The following SERGEF variants were observed in gnomAD, a reference collection of about 807,000 sequenced individuals.
SERGEF encodes secretion-regulating guanine nucleotide exchange factor.
In SERGEF, 51 loss-of-function variants were observed where a neutral mutation model predicts 50.0. That is an observed-to-expected ratio of 1.02 (90% confidence interval 0.81 to 1.29). The LOEUF (loss-of-function observed/expected upper bound fraction) is 1.29, where lower values mean the gene tolerates loss of function less well. Among genes scored for constraint, SERGEF ranks in the 50% most tolerant of loss-of-function variants. The pLI is 0.00. For missense variants in SERGEF, 521 were observed against 557.0 expected, an observed-to-expected ratio of 0.94 and a Z score of 0.65; for synonymous variants, 205 against 212.4, an observed-to-expected ratio of 0.97 and a Z score of 0.30.
chr11:17,992,970 A>T lies in SERGEF; in HGVS notation c.646T>A (p.Cys216Ser), dbSNP rs1227971441. 5 of 1,614,026 alleles carry T rather than the reference A, an allele frequency of 3.1e-6. No individual in the cohort carries two copies. The African/African-American group carries it at 5.3e-5, about 17-fold the overall frequency. ...VTGLENSKAM[C>S]VLAGSDHSAS... is the part of the protein sequence containing the mutation. ...GAGTGGTCTGAGCCAGCAAGAACAC[A>T]CATTGCTTTAGAATTCTCTAGACCT... The change falls in exon 7 of 11, where the codon TGT becomes AGT. Residue 216 changes from cysteine (C) to serine (S), a missense_variant. By Grantham distance (112) the Cys-to-Ser change is moderately radical (BLOSUM62 -1). Coordinates refer to ENST00000265965, the MANE Select transcript of SERGEF (RefSeq NM_012139.4).
chr11:17,988,492 T>C (rs1331295355), intron 8 of SERGEF, 105 bp downstream of exon 8: 1 of 1,091,768 alleles, frequency 9.2e-7, no homozygotes, highest in Non-Finnish European at 1.3e-6. Context: ...CTCTGATCTT[T>C]AAGCTTTCAT....
chr11:17,979,433 C>A (rs1190339570), intron 8 of SERGEF, among the ~76,000 whole-genome samples: 1 of 152,142 alleles, frequency 6.6e-6, no homozygotes, highest in Non-Finnish European at 1.5e-5. Flanking sequence ...CAAGCCACCA[C>A]CACAGCCTGG....
intron 9 of SERGEF, among the ~76,000 whole-genome samples, chr11:17,956,611 T>C (rs1281616866): frequency 6.6e-6 from 1 of 152,230 alleles, no homozygotes; most frequent in Non-Finnish European, 1.5e-5. Flanking sequence ...TCTAGCTCTG[T>C]CTACCTGTGT....
intron 9 of SERGEF, among the ~76,000 whole-genome samples, chr11:17,904,881 T>C (rs1412196937): frequency 6.6e-6 from 1 of 152,220 alleles, no homozygotes; most frequent in Non-Finnish European, 1.5e-5. Context: ...CCCTGGGTCA[T>C]CAAAGCCTAA....
chr11:17,837,824 C>T (rs1021359238), intron 10 of SERGEF, among the ~76,000 whole-genome samples: 9 of 151,748 alleles, frequency 5.9e-5, no homozygotes, highest in African/African-American at 1.9e-4. Context: ...CCACCACGCC[C>T]GGCTAATTTT....
At chr11:17,891,869 T>C (rs189179366) in intron 9 of SERGEF, among the ~76,000 whole-genome samples, 25 of 152,350 alleles carry the variant, frequency 1.6e-4, no homozygotes, top group African/African-American at 5.1e-4. Context: ...AGTTTCTGTA[T>C]CTGTCCTACT....
chr11:17,919,174 G>C (rs1167623803), intron 9 of SERGEF, among the ~76,000 whole-genome samples: 4 of 152,154 alleles, frequency 2.6e-5, no homozygotes, highest in African/African-American at 9.7e-5. Context: ...AAATGACTTT[G>C]AGCATTAGTA....
chr11:17,960,610 C>A (rs1255618160), intron 8 of SERGEF, among the ~76,000 whole-genome samples: 2 of 152,212 alleles, frequency 1.3e-5, no homozygotes, highest in African/African-American at 4.8e-5. Context: ...GACAAATCTA[C>A]TACTGCATAC....
intron 10 of SERGEF, among the ~76,000 whole-genome samples, chr11:17,815,435 C>T (rs1453399388): frequency 1.3e-4 from 8 of 60,990 alleles, no homozygotes; most frequent in African/African-American, 5.0e-4. Context: ...CCCATCTCTA[C>T]TAAAAAAAAA....
At chr11:17,952,815 G>A (rs1852795907) in intron 9 of SERGEF, among the ~76,000 whole-genome samples, 2 of 152,014 alleles carry the variant, frequency 1.3e-5, no homozygotes, top group African/African-American at 4.8e-5. Flanking sequence ...ACCAAATCCA[G>A]TAGTCTTTAC....
At chr11:17,885,133 C>T (rs918092187) in intron 9 of SERGEF, among the ~76,000 whole-genome samples, 6 of 152,194 alleles carry the variant, frequency 3.9e-5, no homozygotes, top group African/African-American at 1.2e-4. Flanking sequence ...AGTTCTAACT[C>T]TTTTCCTTAT....
intron 2 of SERGEF, 56 bp downstream of exon 2, chr11:18,007,884 CA>C: frequency 1.3e-6 from 2 of 1,514,942 alleles, no homozygotes; most frequent in Non-Finnish European, 1.8e-6. Context: ...ATATCATATC[CA>C]GGGGAAAACG....
intron 9 of SERGEF, among the ~76,000 whole-genome samples, chr11:17,956,359 A>G (rs1852871141): frequency 6.6e-6 from 1 of 152,214 alleles, no homozygotes; most frequent in Non-Finnish European, 1.5e-5. Flanking sequence ...AAGCACTTCA[A>G]GTTCAAGACC....
chr11:17,919,017 A>T (rs1237089079), intron 9 of SERGEF, among the ~76,000 whole-genome samples: 1 of 152,188 alleles, frequency 6.6e-6, no homozygotes, highest in African/African-American at 2.4e-5. Flanking sequence ...TTGTACATAT[A>T]TAGAGAGCTG....
At chr11:17,976,832 C>G (rs1212134610) in intron 8 of SERGEF, among the ~76,000 whole-genome samples, 2 of 152,266 alleles carry the variant, frequency 1.3e-5, no homozygotes, top group Non-Finnish European at 2.9e-5. Flanking sequence ...CCAGAACCAT[C>G]TGGTGAGCTT....
At chr11:17,843,089 G>T (rs1850534946) in intron 10 of SERGEF, among the ~76,000 whole-genome samples, 1 of 152,152 alleles carries the variant, frequency 6.6e-6, no homozygotes, top group African/African-American at 2.4e-5. Context: ...CAGAAACAGA[G>T]AGAACAGGCC....
intron 10 of SERGEF, among the ~76,000 whole-genome samples, chr11:17,863,349 C>T (rs555794420): frequency 3.9e-5 from 6 of 152,336 alleles, no homozygotes; most frequent in African/African-American, 1.4e-4. Flanking sequence ...TAGTTCTACA[C>T]TGTCTAAACA....
chr11:17,947,493 G>A (rs1852684986), intron 9 of SERGEF, among the ~76,000 whole-genome samples: 1 of 152,198 alleles, frequency 6.6e-6, no homozygotes, highest in African/African-American at 2.4e-5. Flanking sequence ...TGGTTTCTAG[G>A]GAAGGAAAGC....
chr11:18,012,468 T>C (rs770904665), intron 1 of SERGEF: 58 of 1,076,842 alleles, frequency 5.4e-5, no homozygotes, highest in Non-Finnish European at 6.3e-5. Context: ...GCAGGGTCTG[T>C]GCCTTGTGCG....
Sources: allele counts gnomAD v4.1 joint callset (sites outside exome capture counted in the v4.1 genomes callset), GRCh38; gene constraint gnomAD v4.1.1; transcripts MANE v1.5; gene names NCBI Gene and HGNC (gene_info 2026-07-23, HGNC 2026-07-21).